Variants in MSANTD7 observed in about 807,000 individuals in gnomAD.
MSANTD7 encodes the protein Myb/SANT DNA binding domain containing 7.
At chr10:14,842,557 A>C in the MSANTD7 span, 2 of 1,536,156 alleles carry the variant, frequency 1.3e-6, no homozygotes, top group Non-Finnish European at 1.7e-6. This position sits in a 1 kb window ranked among gnomAD's most constrained non-coding sequence, Gnocchi z 5.2. Context: ...CACACTGTCC[A>C]TTTTATGATA....
the MSANTD7 span, chr10:14,842,793 G>A: frequency 1.2e-5 from 18 of 1,536,298 alleles, no homozygotes; most frequent in Admixed American, 7.8e-5. The surrounding 1 kb of genome is among the most constrained non-coding windows in gnomAD (Gnocchi z 5.2). Context: ...ATCAGTGACC[G>A]GATACGAGAA....
the MSANTD7 span, chr10:14,840,304 G>A: frequency 3.1e-6 from 1 of 326,854 alleles, no homozygotes; most frequent in Non-Finnish European, 5.7e-6. Flanking sequence ...CCCCCAGTAG[G>A]CAGTGTCTTT....
the MSANTD7 span, among the ~76,000 whole-genome samples, chr10:14,841,912 A>G: frequency 2.2e-4 from 33 of 152,166 alleles, no homozygotes; most frequent in Admixed American, 1.2e-3. Flanking sequence ...TTACAGATCC[A>G]TTGTTGTACC....
At chr10:14,838,438 A>G in the MSANTD7 span, 52 of 1,606,368 alleles carry the variant, frequency 3.2e-5, no homozygotes, top group Non-Finnish European at 4.1e-5. Flanking sequence ...GCTGCACCTC[A>G]GCCTGTGTGG....
the MSANTD7 span, chr10:14,842,096 A>G: frequency 6.9e-7 from 1 of 1,454,746 alleles, no homozygotes; most frequent in Non-Finnish European, 9.3e-7. This position sits in a 1 kb window ranked among gnomAD's most constrained non-coding sequence, Gnocchi z 5.2. Flanking sequence ...TTATCCTTAC[A>G]CCCTTCCTGT....
chr10:14,840,900 T>C, the MSANTD7 span, among the ~76,000 whole-genome samples: 1 of 152,190 alleles, frequency 6.6e-6, no homozygotes, highest in African/African-American at 2.4e-5. Context: ...CATTTATAGA[T>C]GAGAAAATCA....
chr10:14,845,563 A>G, the MSANTD7 span: 1 of 977,864 alleles, frequency 1.0e-6, no homozygotes, highest in African/African-American at 1.8e-5. Flanking sequence ...AGTTTGTTTC[A>G]TCAGACAAAT....
chr10:14,844,698 A>G, the MSANTD7 span: 1 of 971,478 alleles, frequency 1.0e-6, no homozygotes, highest in Non-Finnish European at 1.2e-6. Context: ...TCAATATAAA[A>G]TACTGGCCAT....
chr10:14,846,370 T>C, the MSANTD7 span: 5 of 985,344 alleles, frequency 5.1e-6, no homozygotes, highest in Admixed American at 2.5e-4. Flanking sequence ...AAGAAGAGCA[T>C]TGGAATTAAT....
the MSANTD7 span, chr10:14,841,282 T>G: frequency 3.9e-5 from 6 of 152,222 alleles, no homozygotes; most frequent in Admixed American, 2.6e-4. Flanking sequence ...CCGAGCATAT[T>G]AAATATAAGT....
chr10:14,844,413 C>G, the MSANTD7 span: 1 of 994,706 alleles, frequency 1.0e-6, no homozygotes, highest in South Asian at 4.4e-5. Context: ...TGAATCTTTC[C>G]TTTGCTGGTC....
the MSANTD7 span, among the ~76,000 whole-genome samples, chr10:14,840,335 TCTCTGATATGGGATTCA>T: frequency 6.6e-6 from 1 of 152,204 alleles, no homozygotes; most frequent in Admixed American, 6.5e-5. Context: ...TGTTGGATCT[TCTCTGATATGGGATTCA>T]CTCAGATGTT....
the MSANTD7 span, chr10:14,845,214 A>G: frequency 1.1e-5 from 11 of 985,334 alleles, no homozygotes; most frequent in South Asian, 3.8e-4. Context: ...CATTAAACTA[A>G]CTTAAAGCTT....
the MSANTD7 span, chr10:14,844,618 C>T: frequency 1.0e-6 from 1 of 985,300 alleles, no homozygotes; most frequent in Non-Finnish European, 1.2e-6. Context: ...TTCTTAGTCT[C>T]CTATCAATAT....
the MSANTD7 span, chr10:14,840,157 G>A: frequency 1.5e-6 from 2 of 1,376,972 alleles, no homozygotes; most frequent in Non-Finnish European, 2.0e-6. Context: ...CTGGGCAGAA[G>A]GTATGGAATC....
the MSANTD7 span, chr10:14,839,841 G>A: frequency 1.7e-6 from 2 of 1,185,290 alleles, no homozygotes; most frequent in South Asian, 1.4e-5. Flanking sequence ...AGTAACACTG[G>A]TGCACAAATG....
chr10:14,841,477 C>T, the MSANTD7 span, among the ~76,000 whole-genome samples: 369 of 152,254 alleles, frequency 2.4e-3, 3 homozygotes, highest in Non-Finnish European at 1.3e-3. Context: ...TTGCTGGATT[C>T]ACCACCTCTC....
the MSANTD7 span, chr10:14,844,357 G>A: frequency 9.7e-7 from 1 of 1,025,930 alleles, no homozygotes; most frequent in South Asian, 3.6e-5. Context: ...AGGCAGATTG[G>A]TTTACAAGAT....
the MSANTD7 span, chr10:14,845,598 A>ATTT: frequency 7.2e-4 from 511 of 704,920 alleles, 2 homozygotes; most frequent in African/African-American, 9.8e-3. Flanking sequence ...TATTATTATT[A>ATTT]TTTTTTTTTT....
Sources: allele counts gnomAD v4.1 joint callset (sites outside exome capture counted in the v4.1 genomes callset), GRCh38; gene constraint gnomAD v4.1.1; non-coding constraint Gnocchi (gnomAD v3.1); transcripts MANE v1.5; gene names NCBI Gene and HGNC (gene_info 2026-07-23, HGNC 2026-07-21).